Variants in CPEB1 observed in about 807,000 individuals in gnomAD.
The protein encoded by CPEB1 is cytoplasmic polyadenylation element binding protein 1.
Under a neutral mutation model 65.8 loss-of-function variants are expected in CPEB1, and 7 were observed. The observed-to-expected ratio is 0.11, with a 90% CI of 0.06 to 0.20. The LOEUF is 0.20. Ranked by LOEUF, CPEB1 falls within the 10% of genes least tolerant of loss-of-function variation. The probability of loss-of-function intolerance (pLI) is 1.00; values close to 1 mark genes in which losing one functional copy is unlikely to be tolerated. For missense variants in CPEB1, 551 were observed against 712.2 expected (o/e 0.77, Z 2.58); for synonymous variants, 262 against 260.0 (o/e 1.01, Z -0.08).
intron 3 of CPEB1, among the ~76,000 whole-genome samples, chr15:82,605,486 G>C (rs2043491252): frequency 6.6e-6 from 1 of 152,120 alleles, no homozygotes; most frequent in East Asian, 1.9e-4. Context: ...GGTAACTATA[G>C]TTGTATAGTT....
At chr15:82,564,993 C>G (rs943388032) in intron 4 of CPEB1, among the ~76,000 whole-genome samples, 17 of 152,194 alleles carry the variant, frequency 1.1e-4, no homozygotes, top group African/African-American at 4.1e-4. Context: ...AGAATAGGAT[C>G]AGGGTGCCCC....
chr15:82,572,977 G>A, intron 3 of CPEB1: 1 of 1,438,572 alleles, frequency 7.0e-7, no homozygotes, highest in Non-Finnish European at 9.1e-7. Flanking sequence ...GGAGGGTAGG[G>A]CAACAGGCCC....
chr15:82,575,445 A>G (rs1412237821), intron 3 of CPEB1, among the ~76,000 whole-genome samples: 1 of 152,184 alleles, frequency 6.6e-6, no homozygotes. Context: ...ACAGAAAGCA[A>G]TGATCATGGA....
chr15:82,575,625 G>C (rs2151074064), intron 3 of CPEB1, among the ~76,000 whole-genome samples: 1 of 152,048 alleles, frequency 6.6e-6, no homozygotes. Flanking sequence ...TTGTTAAAAG[G>C]CACAAAATCT....
chr15:82,626,028 G>A (rs2045740172), intron 3 of CPEB1, among the ~76,000 whole-genome samples: 1 of 151,990 alleles, frequency 6.6e-6, no homozygotes, highest in Non-Finnish European at 1.5e-5. Context: ...ACTGAGGCAG[G>A]AGAATTGCTT....
intron 3 of CPEB1, among the ~76,000 whole-genome samples, chr15:82,626,092 C>T (rs1424794451): frequency 6.6e-6 from 1 of 151,432 alleles, no homozygotes; most frequent in Admixed American, 6.6e-5. Flanking sequence ...TGCATTCCAA[C>T]CTGGGCGAAA....
At chr15:82,598,315 G>A (rs1257009443) in intron 3 of CPEB1, among the ~76,000 whole-genome samples, 1 of 151,790 alleles carries the variant, frequency 6.6e-6, no homozygotes, top group Non-Finnish European at 1.5e-5. Context: ...CCAACATGGT[G>A]AAACCTCATC....
At chr15:82,616,649 T>C (rs1044570836) in intron 3 of CPEB1, among the ~76,000 whole-genome samples, 1 of 151,992 alleles carries the variant, frequency 6.6e-6, no homozygotes, top group Admixed American at 6.6e-5. Flanking sequence ...TTCAAGTGAT[T>C]ATCCTGCCTC....
chr15:82,553,948 G>A lies in CPEB1; in HGVS notation c.984C>T (p.Pro328=), dbSNP rs1025442150. The A allele has an allele frequency of 3.7e-6, 6 of 1,611,836 alleles. No individual in the cohort carries two copies. In the African/African-American group the frequency reaches 6.7e-5, roughly 18 times the overall value. Residue 328 remains proline, a synonymous_variant, in exon 7 of 13, where the codon CCC becomes CCT. Transcript: ENST00000684509. ...AGTAGATGGGGTTCTTATAGTTCCG[G>A]GGAGGAAGCTGGCCACTCCAGGTAC... ...ATCTWSGQLP[P]RNYKNPIYSC...
intron 3 of CPEB1, among the ~76,000 whole-genome samples, chr15:82,618,750 C>T (rs2045004022): frequency 6.6e-6 from 1 of 152,090 alleles, no homozygotes; most frequent in Admixed American, 6.6e-5. Context: ...ACCATCAAAA[C>T]CTAGAGATAA....
intron 1 of CPEB1, among the ~76,000 whole-genome samples, chr15:82,644,652 G>T (rs2047356929): frequency 6.6e-6 from 1 of 152,156 alleles, no homozygotes; most frequent in Non-Finnish European, 1.5e-5. Context: ...TTTTTGCTGA[G>T]CAACAATCAG....
rs562759209 is a variant in CPEB1 at position 82,622,083 on chromosome 15, T to A, written c.271+5110A>T. On this transcript the variant is annotated intron_variant, in intron 3 of 12. Coordinates refer to ENST00000684509, the MANE Select transcript of CPEB1 (RefSeq NM_001365242.1). ...TCAACACATTAATGCTTAAATCACATGTCCATTTGCAGCCCATTTTCTCCA... is the reference window on the plus strand; with the variant it reads ...TCAACACATTAATGCTTAAATCACAAGTCCATTTGCAGCCCATTTTCTCCA... Among the ~76,000 whole-genome samples, 3 of 152,316 alleles carry A rather than the reference T, an allele frequency of 2.0e-5. No homozygotes were observed. In the East Asian group the frequency reaches 5.8e-4, roughly 29 times the overall value.
At chr15:82,628,300 A>C (rs1261016853) in intron 2 of CPEB1, 64 bp downstream of exon 2, 1 of 702,428 alleles carries the variant, frequency 1.4e-6, no homozygotes, top group East Asian at 2.7e-5. Flanking sequence ...AGATATGACA[A>C]AAAAAGGTTG....
intron 8 of CPEB1, 48 bp downstream of exon 8, chr15:82,553,419 G>C (rs753106615): frequency 6.9e-7 from 1 of 1,444,516 alleles, no homozygotes; most frequent in South Asian, 1.2e-5. Flanking sequence ...TACTAGGGAA[G>C]GGAAAAAAAA....
rs1400195288 is a variant in CPEB1, at chr15:82,627,253, G to C, written c.211C>G (p.Leu71Val). The C allele has an allele frequency of 6.2e-7, 1 of 1,613,784 alleles. No homozygotes were observed. Among genetic ancestry groups the C allele is most frequent in the East Asian group, 2.2e-5 (1 of 44,870 alleles). The change falls in exon 3 of 13, where the codon CTG becomes GTG. Residue 71 changes from leucine to valine, a missense_variant. By Grantham distance (32) the Leu-to-Val change is conservative. This residue lies in a region of CPEB1 where 223 missense variants were observed against 228.6 expected (regional missense o/e 0.98). Transcript: ENST00000684509. The part of the protein sequence containing the change: ...RRINAILDNS[L>V]DFSRVCTTPI... ...GTAGTGCAGACTCTACTGAAATCCAGAGAATTATCCAATATGGCATTTATC... is the reference window on the plus strand; with the variant it reads ...GTAGTGCAGACTCTACTGAAATCCACAGAATTATCCAATATGGCATTTATC...
intron 3 of CPEB1, among the ~76,000 whole-genome samples, chr15:82,595,853 A>G (rs941639164): frequency 7.9e-5 from 12 of 152,244 alleles, no homozygotes; most frequent in Admixed American, 3.3e-4. Context: ...ATGCCTGATG[A>G]TATCACTAGA....
chr15:82,644,334 C>T (rs1168415772), intron 1 of CPEB1, among the ~76,000 whole-genome samples: 1 of 152,182 alleles, frequency 6.6e-6, no homozygotes, highest in Admixed American at 6.5e-5. Context: ...CATAACAGAA[C>T]ACACATAATA....
chr15:82,547,133 G>A lies in CPEB1; in HGVS notation c.1575+10C>T. 1 of 1,600,868 alleles carries A rather than the reference G, an allele frequency of 6.2e-7. No homozygotes were observed. Among genetic ancestry groups the A allele is most frequent in the Non-Finnish European group, 8.6e-7 (1 of 1,168,350 alleles). The stretch of plus-strand genomic sequence containing the variant: ...TACCCCAGAGTAAGGGCATAAACCA[G>A]CCAACTCACCTTCTTTGTGAACTTG... On this transcript the variant is annotated intron_variant, in intron 11 of 12. Transcript: ENST00000684509.
At chr15:82,612,121 CATTT>C (rs2044214432) in intron 3 of CPEB1, among the ~76,000 whole-genome samples, 1 of 151,980 alleles carries the variant, frequency 6.6e-6, no homozygotes, top group Non-Finnish European at 1.5e-5. Context: ...TTTACATAAA[CATTT>C]ATGCCAATGA....
Sources: gnomAD v4.1 joint callset for allele counts (sites outside exome capture counted in the v4.1 genomes callset) on GRCh38, gnomAD v4.1.1 for gene constraint, gnomAD v4.1.1 regional missense constraint, MANE v1.5 for transcripts, NCBI Gene and HGNC (gene_info 2026-07-23, HGNC 2026-07-21) for gene names.